Variants in RBMS3 observed in about 807,000 individuals in gnomAD.
RBMS3 encodes RNA-binding motif, single-stranded-interacting protein 3.
Under a neutral mutation model 66.8 loss-of-function variants are expected in RBMS3, and 27 were observed. The observed-to-expected ratio is 0.40, with a 90% CI of 0.30 to 0.56. The LOEUF is 0.56. Ranked by LOEUF, RBMS3 falls within the 20% of genes least tolerant of loss-of-function variation. The pLI, the probability that RBMS3 is intolerant of heterozygous loss-of-function variation, is 0.40. For synonymous variants in RBMS3, 188 were observed against 183.0 expected (o/e 1.03, Z -0.22); for missense variants, 513 against 549.5 (o/e 0.93, Z 0.66).
At chr3:29,653,081 T>G (rs2050199449) in intron 4 of RBMS3, among the ~76,000 whole-genome samples, 1 of 152,130 alleles carries the variant, frequency 6.6e-6, no homozygotes, top group African/African-American at 2.4e-5. Flanking sequence ...AAAAATAAAA[T>G]GAACAGCCTT....
intron 4 of RBMS3, among the ~76,000 whole-genome samples, chr3:29,696,292 A>G (rs942458627): frequency 6.6e-6 from 1 of 152,202 alleles, no homozygotes; most frequent in Non-Finnish European, 1.5e-5. Flanking sequence ...GCTGATTATA[A>G]TACAGATTAT....
At chr3:29,634,145 A>T (rs2049383638) in intron 4 of RBMS3, among the ~76,000 whole-genome samples, 1 of 151,906 alleles carries the variant, frequency 6.6e-6, no homozygotes, top group Non-Finnish European at 1.5e-5. Context: ...TATCCAAAAG[A>T]GGGAGAAAGA....
Position 29,897,394 on chromosome 3 carries a change from G to C in RBMS3, c.807G>C (p.Pro269=), listed in dbSNP as rs200187522. The part of the protein sequence containing the change: ...AAIQNGFYSS[P]YSIATNRMIP... ...CTGTTTGCAGATTTTATTCTTCACC[G>C]TACAGTATTGCAACCAACCGCATGA... The change falls in exon 9 of 15, where the codon CCG becomes CCC. Residue 269 remains proline (P), a synonymous_variant. Coordinates refer to ENST00000383767, the MANE Select transcript of RBMS3 (RefSeq NM_001003793.3). 1 of 1,610,390 alleles carries C rather than the reference G, an allele frequency of 6.2e-7. No homozygotes were observed. The highest frequency in any genetic ancestry group is 8.5e-7 in the Non-Finnish European group (1 of 1,177,706).
intron 4 of RBMS3, among the ~76,000 whole-genome samples, chr3:29,643,416 GT>G (rs1482238194): frequency 9.9e-5 from 15 of 152,210 alleles, no homozygotes; most frequent in African/African-American, 3.4e-4. Flanking sequence ...CCCCAGAGTG[GT>G]TTCTTCAGGA....
At chr3:29,910,513 A>T (rs1456166943) in intron 10 of RBMS3, among the ~76,000 whole-genome samples, 8 of 152,084 alleles carry the variant, frequency 5.3e-5, no homozygotes, top group Admixed American at 4.6e-4. Context: ...AAATCAAAAG[A>T]TATTATTTTT....
At chr3:29,524,193 A>G (rs948832320) in intron 3 of RBMS3, among the ~76,000 whole-genome samples, 5 of 151,906 alleles carry the variant, frequency 3.3e-5, no homozygotes, top group Admixed American at 6.5e-5. Context: ...TACCTCAACC[A>G]GTAAGTCGCA....
intron 6 of RBMS3, among the ~76,000 whole-genome samples, chr3:29,765,451 C>T (rs953301506): frequency 1.8e-4 from 27 of 151,876 alleles, no homozygotes; most frequent in Non-Finnish European, 3.5e-4. Context: ...TGTGTCTTTG[C>T]TTGTGAATAT....
chr3:29,316,315 T>A (rs185223915), intron 1 of RBMS3, among the ~76,000 whole-genome samples: 9 of 151,872 alleles, frequency 5.9e-5, no homozygotes, highest in Non-Finnish European at 8.8e-5. Context: ...TTGTTTTGTT[T>A]CTTCTGGGAT....
chr3:29,505,881 G>T (rs1042223161), intron 3 of RBMS3, among the ~76,000 whole-genome samples: 1 of 151,414 alleles, frequency 6.6e-6, no homozygotes, highest in South Asian at 2.1e-4. Flanking sequence ...GCTATTCATT[G>T]TTAAGTGTAC....
intron 4 of RBMS3, among the ~76,000 whole-genome samples, chr3:29,653,892 T>C (rs1217576716): frequency 2.0e-5 from 3 of 152,188 alleles, no homozygotes; most frequent in African/African-American, 7.2e-5. Flanking sequence ...TTGTTAGTCC[T>C]CAACTCCAAG....
At chr3:29,758,071 G>T (rs769216737) in intron 5 of RBMS3, among the ~76,000 whole-genome samples, 2 of 152,198 alleles carry the variant, frequency 1.3e-5, no homozygotes, top group Non-Finnish European at 2.9e-5. Flanking sequence ...TAGTTTTCAT[G>T]GGTTTTGGGA....
At chr3:29,479,939 G>T (rs1018155125) in intron 2 of RBMS3, among the ~76,000 whole-genome samples, 1 of 152,168 alleles carries the variant, frequency 6.6e-6, no homozygotes. Flanking sequence ...GGTCCTCATG[G>T]TCTCTATCCA....
rs199631286 is a variant in RBMS3 at position 29,717,260 on chromosome 3, GT to G, written c.400-22458del. On this transcript the variant is annotated intron_variant, in intron 4 of 14. Transcript: ENST00000383767. ...AAGTGCTCAATAAAGAGTTGTCACT[GT>G]TACTAGAGTTACTTGTTTCTCATTA... Among the ~76,000 whole-genome samples, 837 of 152,156 alleles carry G rather than the reference GT, an allele frequency of 5.5e-3. 11 individuals carry two copies. The highest frequency in any genetic ancestry group is 0.024 in the East Asian group (123 of 5,172).
At chr3:29,591,149 A>G (rs776125951) in intron 4 of RBMS3, among the ~76,000 whole-genome samples, 5 of 152,160 alleles carry the variant, frequency 3.3e-5, no homozygotes, top group Non-Finnish European at 7.3e-5. Flanking sequence ...ATAATAGTCC[A>G]TCCCCTTGGC....
intron 3 of RBMS3, among the ~76,000 whole-genome samples, chr3:29,577,327 A>T (rs988992296): frequency 3.3e-5 from 5 of 152,198 alleles, no homozygotes; most frequent in African/African-American, 1.2e-4. Context: ...AGGCAGAAGG[A>T]AGGAGACACT....
chr3:29,379,658 C>A (rs554815927), intron 1 of RBMS3, among the ~76,000 whole-genome samples: 8 of 152,282 alleles, frequency 5.3e-5, no homozygotes, highest in Non-Finnish European at 1.0e-4. Context: ...CCCACCAGGT[C>A]CCTCCCACAA....
chr3:29,387,885 CTG>C (rs1559539521), intron 1 of RBMS3, among the ~76,000 whole-genome samples: 1 of 152,218 alleles, frequency 6.6e-6, no homozygotes, highest in Non-Finnish European at 1.5e-5. Context: ...TGCTTCTCTT[CTG>C]TGTTACCTTC....
At chr3:29,505,506 G>GTTTTTTTTTTTTTTTT (rs749285833) in intron 3 of RBMS3, among the ~76,000 whole-genome samples, 4 of 107,294 alleles carry the variant, frequency 3.7e-5, no homozygotes, top group African/African-American at 1.4e-4. Context: ...CTTCAATTTT[G>GTTTTTTTTTTTTTTTT]TTTTTTTTTT....
intron 2 of RBMS3, among the ~76,000 whole-genome samples, chr3:29,447,099 G>T (rs2041860284): frequency 6.6e-6 from 1 of 151,810 alleles, no homozygotes. Context: ...TTTTTGTAAA[G>T]ACGGGGTTTC....
Sources: gnomAD v4.1 joint callset for allele counts (sites outside exome capture counted in the v4.1 genomes callset) on GRCh38, gnomAD v4.1.1 for gene constraint, MANE v1.5 for transcripts, NCBI Gene and HGNC (gene_info 2026-07-23, HGNC 2026-07-21) for gene names.